TRPM1: variants seen among roughly 807,000 people sequenced by gnomAD.
The protein encoded by TRPM1 is transient receptor potential cation channel subfamily M member 1, also known as TRPM1-203 APA Isoform, Intron 10.
In TRPM1, 113 loss-of-function variants were observed where a neutral mutation model predicts 149.4. The observed-to-expected ratio is 0.76, with a 90% confidence interval of 0.65 to 0.88. The LOEUF (loss-of-function observed/expected upper bound fraction) is 0.88, where lower values mean the gene tolerates loss of function less well. Ranked by LOEUF, TRPM1 falls within the 40% of genes least tolerant of loss-of-function variation. TRPM1 has a pLI of 0.00. For missense variants in TRPM1, 1,976 were observed against 2,038.7 expected, an observed-to-expected ratio of 0.97 and a Z score of 0.59; for synonymous variants, 741 against 759.5, an observed-to-expected ratio of 0.98 and a Z score of 0.40.
chr15:31,052,483 T>C (rs149777960), intron 11 of TRPM1, among the ~76,000 whole-genome samples: 109 of 152,194 alleles, frequency 7.2e-4, no homozygotes, highest in African/African-American at 2.5e-3. Flanking sequence ...AAACTACTAA[T>C]ATAAAATGCT....
chr15:31,035,852 G>A, intron 20 of TRPM1, 178 bp from the exon 21 acceptor site: 1 of 828,670 alleles, frequency 1.2e-6, no homozygotes, highest in Non-Finnish European at 2.0e-6. Context: ...CCTGGAGGCA[G>A]GACGGGAGGC....
At chr15:31,060,426 C>G (rs2034195929) in intron 11 of TRPM1, 118 bp downstream of exon 11, 4 of 839,118 alleles carry the variant, frequency 4.8e-6, no homozygotes, top group Non-Finnish European at 8.0e-6. Context: ...GATTACATAT[C>G]ATATCATCAG....
intron 1 of TRPM1, among the ~76,000 whole-genome samples, chr15:31,148,403 C>A (rs1253931786): frequency 2.6e-5 from 4 of 152,166 alleles, no homozygotes; most frequent in African/African-American, 9.7e-5. Context: ...CGCAGCTGCA[C>A]CCTGCGTTGT....
At chr15:31,113,775 G>A (rs546242033) in intron 1 of TRPM1, among the ~76,000 whole-genome samples, 69 of 152,314 alleles carry the variant, frequency 4.5e-4, no homozygotes, top group Non-Finnish European at 8.1e-4. Flanking sequence ...GAGTGTTACA[G>A]CTCTTAAAGG....
intron 1 of TRPM1, among the ~76,000 whole-genome samples, chr15:31,127,751 T>G (rs1380457810): frequency 6.6e-6 from 1 of 151,990 alleles, no homozygotes; most frequent in Non-Finnish European, 1.5e-5. Context: ...GGTGAGCATC[T>G]AGATCTCACA....
chr15:31,107,786 T>A (rs2035628197), intron 1 of TRPM1, among the ~76,000 whole-genome samples: 1 of 152,054 alleles, frequency 6.6e-6, no homozygotes, highest in Non-Finnish European at 1.5e-5. Flanking sequence ...TCTTGTGACT[T>A]TTTTAGCCCA....
intron 1 of TRPM1, among the ~76,000 whole-genome samples, chr15:31,127,824 G>A (rs1482535929): frequency 1.3e-5 from 2 of 152,186 alleles, no homozygotes; most frequent in Admixed American, 1.3e-4. Context: ...GCAGGCGCTC[G>A]GCTCCCAGAG....
chr15:31,154,429 T>G (rs530574261), intron 1 of TRPM1, among the ~76,000 whole-genome samples: 2 of 152,346 alleles, frequency 1.3e-5, no homozygotes, highest in Non-Finnish European at 2.9e-5. Context: ...GTTTTGAATC[T>G]GAAACTGCCT....
At chr15:31,081,115 G>T (rs2034846590) in intron 2 of TRPM1, among the ~76,000 whole-genome samples, 1 of 152,126 alleles carries the variant, frequency 6.6e-6, no homozygotes, top group East Asian at 1.9e-4. Context: ...CATCGGTCTT[G>T]CATTTTGTCC....
chr15:31,066,215 A>T lies in TRPM1; in HGVS notation c.651T>A (p.Pro217=). The T allele has an allele frequency of 6.2e-7, 1 of 1,614,148 alleles. No homozygotes were observed. Among genetic ancestry groups the T allele is most frequent in the Non-Finnish European group, 8.5e-7 (1 of 1,180,016 alleles). The change falls in exon 7 of 28, where the codon CCT becomes CCA. Residue 217 remains proline, a synonymous_variant. Transcript: ENST00000256552. ...VTRVYQTMSN[P]LSKLSVLNNS... is the part of the protein sequence containing the mutation. ...TGTTGAGCACAGAGAGCTTACTTAG[A>T]GGGTTGGACATGGTCTGGTACACTC...
intron 2 of TRPM1, among the ~76,000 whole-genome samples, chr15:31,080,812 C>A (rs950094280): frequency 6.6e-6 from 1 of 151,926 alleles, no homozygotes; most frequent in African/African-American, 2.4e-5. Flanking sequence ...GATAAGAAAC[C>A]CGCGCTGGGG....
chr15:31,113,465 G>C (rs4779825), intron 1 of TRPM1, among the ~76,000 whole-genome samples: 1 of 151,310 alleles, frequency 6.6e-6, no homozygotes, highest in Non-Finnish European at 1.5e-5. Context: ...AAGGTATAGA[G>C]ATAAAAATGG....
rs75009557 is a variant in TRPM1, at chr15:31,055,788, T to C, written c.1263+4756A>G. Among the ~76,000 whole-genome samples the C allele has an allele frequency of 2.0e-4, 31 of 152,216 alleles. No homozygotes were observed. In the East Asian group the frequency reaches 6.0e-3, roughly 29 times the overall value. ...GAAAAACCTGTTGGCAAAATGGGTT[T>C]CCATACCAATTAAGCAGTTCTATCC... On this transcript the variant is annotated intron_variant, in intron 11 of 27. Coordinates refer to ENST00000256552, the MANE Select transcript of TRPM1 (RefSeq NM_001252024.2).
At chr15:31,013,376 T>G (rs1222593175) in intron 27 of TRPM1, among the ~76,000 whole-genome samples, 1 of 152,038 alleles carries the variant, frequency 6.6e-6, no homozygotes, top group Non-Finnish European at 1.5e-5. Context: ...CTACTTGATA[T>G]AATTTCCACC....
chr15:31,071,420 A>ACGCACG lies in TRPM1; in HGVS notation c.84-1195_84-1194insCGTGCG, dbSNP rs566900033. Among the ~76,000 whole-genome samples the ACGCACG allele has an allele frequency of 4.3e-3, 661 of 152,210 alleles. 7 individuals carry two copies. The highest frequency in any genetic ancestry group is 9.2e-3 in the Admixed American group (140 of 15,296). On this transcript the variant is annotated intron_variant, in intron 3 of 27. Coordinates refer to ENST00000256552, the MANE Select transcript of TRPM1 (RefSeq NM_001252024.2). The stretch of plus-strand genomic sequence containing the variant: ...ATGTGCGAATGCGTGCACGTGTGTA[A>ACGCACG]TGCACATGTGCAGGGCCCTTGCCAG...
chr15:31,132,472 G>A (rs985247808), intron 1 of TRPM1, among the ~76,000 whole-genome samples: 4 of 152,192 alleles, frequency 2.6e-5, no homozygotes, highest in African/African-American at 4.8e-5. Flanking sequence ...TCAGGGCTCC[G>A]ATTACCACTG....
At chr15:31,056,417 T>G (rs1195166494) in intron 11 of TRPM1, among the ~76,000 whole-genome samples, 1 of 152,144 alleles carries the variant, frequency 6.6e-6, no homozygotes, top group East Asian at 1.9e-4. Context: ...AGAAGATACA[T>G]CCTTGTGAAA....
intron 1 of TRPM1, among the ~76,000 whole-genome samples, chr15:31,129,772 C>T (rs761771996): frequency 6.6e-6 from 1 of 152,142 alleles, no homozygotes; most frequent in African/African-American, 2.4e-5. Flanking sequence ...TGTGTGGTTC[C>T]CTCCTTGCCC....
intron 1 of TRPM1, among the ~76,000 whole-genome samples, chr15:31,090,095 C>T (rs181551403): frequency 6.6e-6 from 1 of 152,208 alleles, no homozygotes; most frequent in South Asian, 2.1e-4. Flanking sequence ...CTCTGCAACC[C>T]TAGCCCCTAG....
Sources: gnomAD v4.1 joint callset for allele counts (sites outside exome capture counted in the v4.1 genomes callset) on GRCh38, gnomAD v4.1.1 for gene constraint, MANE v1.5 for transcripts, NCBI Gene and HGNC (gene_info 2026-07-23, HGNC 2026-07-21) for gene names.